SNTB1: variants seen among roughly 807,000 people sequenced by gnomAD.
SNTB1 encodes the protein syntrophin beta 1.
In SNTB1, 36 loss-of-function variants were observed where a neutral mutation model predicts 48.9. The ratio of observed to expected loss-of-function variants is 0.74; its 90% CI spans 0.56 to 0.97. The LOEUF is 0.97. Among genes scored for constraint, SNTB1 ranks in the 50% least tolerant of loss-of-function variants. The pLI, the probability that SNTB1 is intolerant of heterozygous loss-of-function variation, is 0.00. For missense variants in SNTB1, 786 were observed against 703.4 expected (o/e 1.12, Z -1.33); for synonymous variants, 299 against 294.6 (o/e 1.01, Z -0.15).
chr8:120,572,632 T>A (rs1270444008), intron 4 of SNTB1, among the ~76,000 whole-genome samples: 1 of 152,164 alleles, frequency 6.6e-6, no homozygotes, highest in Non-Finnish European at 1.5e-5. Context: ...AGAACGTCCA[T>A]AATCCCAGCA....
chr8:120,622,728 G>A (rs1034488467), intron 3 of SNTB1, among the ~76,000 whole-genome samples: 4 of 152,052 alleles, frequency 2.6e-5, no homozygotes, highest in Admixed American at 1.3e-4. Flanking sequence ...CCCACCTAAA[G>A]GTCCCATATA....
chr8:120,538,524 A>G lies in SNTB1; in HGVS notation c.*353T>C. The G allele has an allele frequency of 5.1e-6, 2 of 391,780 alleles. No homozygotes were observed. The highest frequency in any genetic ancestry group is 3.8e-5 in the South Asian group (2 of 52,428). The allele number at this position is 391,780 out of a possible 1,614,324, so 24.3% of individuals were successfully genotyped here. A position where few individuals can be genotyped will look rare whatever the true frequency, so the allele number is the denominator to read the frequency against. On this transcript the variant is annotated 3_prime_UTR_variant, in exon 7 of 7. Transcript: ENST00000517992. ...TTCGGCCCTTGCGTACCTGGTGAAC[A>G]AGTTGCCTAGGAACTGGGATGATTA...
chr8:120,794,891 C>T (rs73325140), intron 1 of SNTB1, among the ~76,000 whole-genome samples: 1 of 151,980 alleles, frequency 6.6e-6, no homozygotes, highest in Admixed American at 6.6e-5. Context: ...ATTATCTTTA[C>T]AAACCATTTT....
chr8:120,650,425 C>A lies in SNTB1; in HGVS notation c.789-17774G>T, dbSNP rs188912946. Among the ~76,000 whole-genome samples the A allele has an allele frequency of 6.1e-3, 935 of 152,250 alleles. 5 individuals carry two copies. Among genetic ancestry groups the A allele is most frequent in the Non-Finnish European group, 0.01 (690 of 68,020 alleles). On this transcript the variant is annotated intron_variant, in intron 2 of 6. Transcript: ENST00000517992. Reference sequence around the variant, plus strand: ...CCAAATTATTTGTCAATTATTTGTGCACTGAGTAATTAAAAGAATTCAGCA... The same window carrying A: ...CCAAATTATTTGTCAATTATTTGTGAACTGAGTAATTAAAAGAATTCAGCA...
chr8:120,575,011 G>A (rs1042457405), intron 4 of SNTB1, 75 bp downstream of exon 4: 22 of 1,576,728 alleles, frequency 1.4e-5, no homozygotes, highest in East Asian at 4.5e-5. Flanking sequence ...GTAATATAAC[G>A]TATTGAGCTA....
At chr8:120,763,919 AG>A (rs1465605249) in intron 1 of SNTB1, among the ~76,000 whole-genome samples, 38 of 152,152 alleles carry the variant, frequency 2.5e-4, no homozygotes, top group Non-Finnish European at 8.8e-5. Context: ...GGCCTTCCAA[AG>A]AAGACCAAGT....
intron 3 of SNTB1, among the ~76,000 whole-genome samples, chr8:120,616,480 T>TG (rs72537207): frequency 3.6e-5 from 5 of 139,022 alleles, no homozygotes; most frequent in African/African-American, 1.4e-4. Flanking sequence ...AAAAAAAGTT[T>TG]TTTTTTTTTT....
At chr8:120,807,623 T>G (rs1320973259) in intron 1 of SNTB1, among the ~76,000 whole-genome samples, 1 of 152,210 alleles carries the variant, frequency 6.6e-6, no homozygotes, top group Non-Finnish European at 1.5e-5. Context: ...TACAGCAGCT[T>G]CGTTTTGACA....
intron 1 of SNTB1, among the ~76,000 whole-genome samples, chr8:120,719,127 T>C (rs1333616721): frequency 1.3e-5 from 2 of 152,200 alleles, no homozygotes; most frequent in Non-Finnish European, 2.9e-5. Context: ...ATGCAAAGTA[T>C]TGATCCTGGG....
intron 2 of SNTB1, among the ~76,000 whole-genome samples, chr8:120,634,565 A>G (rs1395118476): frequency 6.6e-6 from 1 of 152,142 alleles, no homozygotes; most frequent in Admixed American, 6.5e-5. Context: ...GAGATTGGAC[A>G]ATGTCTTATG....
chr8:120,647,132 AT>A (rs1245164819), intron 2 of SNTB1, among the ~76,000 whole-genome samples: 1 of 137,404 alleles, frequency 7.3e-6, no homozygotes, highest in Non-Finnish European at 1.6e-5. Context: ...GGATTCATTA[AT>A]TTTTTGAAGG....
intron 3 of SNTB1, among the ~76,000 whole-genome samples, chr8:120,631,547 T>G (rs1227685337): frequency 6.6e-6 from 1 of 152,180 alleles, no homozygotes; most frequent in Non-Finnish European, 1.5e-5. Context: ...TCCCATTTAC[T>G]GCCTATTAGA....
chr8:120,558,412 A>G (rs1815603273), intron 4 of SNTB1, among the ~76,000 whole-genome samples: 1 of 152,222 alleles, frequency 6.6e-6, no homozygotes, highest in South Asian at 2.1e-4. Context: ...TCTAAGTATT[A>G]TCTGAAACTG....
rs1469037445 is a variant in SNTB1 at position 120,757,210 on chromosome 8, A to G, written c.571+54063T>C. Among the ~76,000 whole-genome samples the G allele has an allele frequency of 2.7e-5, 4 of 146,500 alleles. No individual in the cohort carries two copies. In the East Asian group the frequency reaches 7.7e-4, roughly 28 times the overall value. ...AGGAGAGACACATGAATCAAAACAG[A>G]TCTATCGGGTTTCCCAAACCTGTTT... On this transcript the variant is annotated intron_variant, in intron 1 of 6. Coordinates refer to ENST00000517992, the MANE Select transcript of SNTB1 (RefSeq NM_021021.4).
intron 1 of SNTB1, among the ~76,000 whole-genome samples, chr8:120,726,736 T>C (rs1472238774): frequency 6.6e-6 from 1 of 152,188 alleles, no homozygotes; most frequent in East Asian, 1.9e-4. Context: ...ATGTAGGAAG[T>C]GCATGTAGCT....
intron 5 of SNTB1, among the ~76,000 whole-genome samples, chr8:120,543,226 G>T (rs1274811419): frequency 6.6e-6 from 1 of 152,164 alleles, no homozygotes; most frequent in Non-Finnish European, 1.5e-5. Context: ...TCTGAAAAAG[G>T]TTATTAAGGA....
intron 2 of SNTB1, among the ~76,000 whole-genome samples, chr8:120,693,409 A>C (rs1202971921): frequency 6.6e-6 from 1 of 152,224 alleles, no homozygotes; most frequent in African/African-American, 2.4e-5. Context: ...AATGTGGCCT[A>C]AGTCACATGG....
chr8:120,751,438 A>T (rs1283940591), intron 1 of SNTB1, among the ~76,000 whole-genome samples: 2 of 152,054 alleles, frequency 1.3e-5, no homozygotes, highest in African/African-American at 4.8e-5. Flanking sequence ...ATTACTGCAC[A>T]TTCAAATAGC....
intron 4 of SNTB1, chr8:120,571,363 G>A (rs72680561): frequency 0.18 from 213,503 of 1,210,590 alleles, 24,653 homozygotes; most frequent in African/African-American, 0.26. Flanking sequence ...CACGGATGAG[G>A]ACTGTGGATG....
Sources: allele counts gnomAD v4.1 joint callset (sites outside exome capture counted in the v4.1 genomes callset), GRCh38; gene constraint gnomAD v4.1.1; transcripts MANE v1.5; gene names NCBI Gene and HGNC (gene_info 2026-07-23, HGNC 2026-07-21).